GALNT15: variants seen among roughly 807,000 people sequenced by gnomAD.
GALNT15 encodes the protein UDP-GalNAc transferase T15.
A neutral mutation model predicts 66.8 loss-of-function variants in GALNT15; 67 were observed. The ratio of observed to expected loss-of-function variants is 1.00; its 90% confidence interval spans 0.82 to 1.23. The LOEUF (loss-of-function observed/expected upper bound fraction) is 1.23. Ranked by LOEUF, GALNT15 falls within the 50% of genes most tolerant of loss-of-function variation. The probability of loss-of-function intolerance (pLI) is 0.00; values close to 1 mark genes in which losing one functional copy is unlikely to be tolerated. For synonymous variants in GALNT15, 313 were observed against 311.5 expected, an observed-to-expected ratio of 1.00 and a Z score of -0.05; for missense variants, 827 against 804.3, an observed-to-expected ratio of 1.03 and a Z score of -0.34.
At chr3:16,218,357 C>CT (rs1231225643) in intron 6 of GALNT15, among the ~76,000 whole-genome samples, 11 of 152,174 alleles carry the variant, frequency 7.2e-5, no homozygotes, top group Non-Finnish European at 1.3e-4. Flanking sequence ...AGGGTTCTCT[C>CT]TTTTTTTGTC....
Position 16,228,861 on chromosome 3 carries a change from A to C in GALNT15, c.*1361A>C. On this transcript the variant is annotated 3_prime_UTR_variant, in exon 10 of 10. Coordinates refer to ENST00000339732, the MANE Select transcript of GALNT15 (RefSeq NM_054110.5). ...CCCATATAACTGTCTGGAACCCCCA[A>C]ATGTGTCCACAGGTTGAATGTCCAT... 2 of 985,366 alleles carry C rather than the reference A, an allele frequency of 2.0e-6. No individual in the cohort carries two copies. The highest frequency in any genetic ancestry group is 2.4e-6 in the Non-Finnish European group (2 of 829,916). The allele number at this position is 985,366 out of a possible 1,614,324, so 61.0% of individuals were successfully genotyped here. A position where few individuals can be genotyped will look rare whatever the true frequency, so the allele number is the denominator to read the frequency against.
chr3:16,185,724 T>C (rs1390165917), intron 1 of GALNT15, among the ~76,000 whole-genome samples: 1 of 151,224 alleles, frequency 6.6e-6, no homozygotes, highest in Admixed American at 6.6e-5. Flanking sequence ...GCTCGCACTG[T>C]AGTCCAAGAT....
At chr3:16,241,735 A>G in the GALNT15 span, among the ~76,000 whole-genome samples, 6 of 152,074 alleles carry the variant, frequency 3.9e-5, no homozygotes, top group Non-Finnish European at 7.4e-5. This position sits in a 1 kb window ranked among gnomAD's most constrained non-coding sequence, Gnocchi z 4.6. Flanking sequence ...TTTTGTAGAC[A>G]TGGGGTTTCA....
intron 3 of GALNT15, among the ~76,000 whole-genome samples, chr3:16,201,164 TTTTTTCTTTTTCTTTTTC>T (rs59395998): frequency 1.5e-3 from 217 of 149,002 alleles, no homozygotes; most frequent in African/African-American, 4.5e-3. Context: ...TTGGCAATTT[TTTTTTCTTTTTCTTTTTC>T]TTTTTCTTTT....
At position 16,191,055 on chromosome 3, in the gene GALNT15, T is replaced by C. The variant is rs370381820; in HGVS notation, c.540-4705T>C. Reference sequence around the variant, plus strand: ...ATGGCTTTCAAGAACCCATTTGGCCTTTCACATCTCTTAGCAGCCTGTTTA... The same window carrying C: ...ATGGCTTTCAAGAACCCATTTGGCCCTTCACATCTCTTAGCAGCCTGTTTA... On this transcript the variant is annotated intron_variant, in intron 1 of 9. Coordinates refer to ENST00000339732, the MANE Select transcript of GALNT15 (RefSeq NM_054110.5). The surrounding 1 kb of genome is among the most constrained non-coding windows in gnomAD (Gnocchi z 5.2). Among the ~76,000 whole-genome samples, 8 of 152,208 alleles carry C rather than the reference T, an allele frequency of 5.3e-5. No homozygotes were observed. The East Asian group carries it at 7.7e-4, about 15-fold the overall frequency.
chr3:16,212,795 C>T (rs777740832), intron 6 of GALNT15, 32 bp downstream of exon 6: 2 of 1,586,860 alleles, frequency 1.3e-6, no homozygotes, highest in Admixed American at 3.4e-5. Context: ...GCTTCTGTGT[C>T]CAGCACAGGG....
At chr3:16,197,487 C>T (rs6798981) in intron 2 of GALNT15, among the ~76,000 whole-genome samples, 133,663 of 152,206 alleles carry the variant, frequency 0.88, 59,128 homozygotes, top group East Asian at 1. Context: ...AAGCACCACC[C>T]TGCACACTGT....
In GALNT15 at chr3:16,227,767, A is replaced by T; in HGVS notation, c.*267A>T. 8.1e-7 allele frequency: 1 copy of T among 1,227,698 alleles called. No homozygotes were observed. The highest frequency in any genetic ancestry group is 4.2e-5 in the Admixed American group (1 of 23,970). The allele number at this position is 1,227,698 out of a possible 1,614,324, so 76.1% of individuals were successfully genotyped here. On this transcript the variant is annotated 3_prime_UTR_variant, in exon 10 of 10. Transcript: ENST00000339732. This position sits in a 1 kb window ranked among gnomAD's most constrained non-coding sequence, Gnocchi z 4.5. ...AAATGATTATTACATAGTACAGAAG[A>T]TTCTTTGTTTTTCTCCACTGAGCAC...
chr3:16,197,249 C>A (rs957254131), intron 2 of GALNT15, among the ~76,000 whole-genome samples: 1 of 152,140 alleles, frequency 6.6e-6, no homozygotes, highest in Non-Finnish European at 1.5e-5. Context: ...TACCCCAGAG[C>A]TGGCAGCCCC....
At chr3:16,207,389 T>C (rs2063767560) in intron 3 of GALNT15, among the ~76,000 whole-genome samples, 1 of 151,744 alleles carries the variant, frequency 6.6e-6, no homozygotes, top group Non-Finnish European at 1.5e-5. Context: ...GATTGAGATA[T>C]TGGCTAGGTG....
rs977605060 is a variant in GALNT15 at position 16,189,357 on chromosome 3, C to T, written c.540-6403C>T. Reference sequence around the variant, plus strand: ...GAGCATGGCACCCACTGGTGTTGGGCAATGCACCAGCCCTAGTGGTTGAGA... The same window carrying T: ...GAGCATGGCACCCACTGGTGTTGGGTAATGCACCAGCCCTAGTGGTTGAGA... On this transcript the variant is annotated intron_variant, in intron 1 of 9. Transcript: ENST00000339732. The surrounding 1 kb of genome is among the most constrained non-coding windows in gnomAD (Gnocchi z 5.1). Among the ~76,000 whole-genome samples, 2 of 152,132 alleles carry T rather than the reference C, an allele frequency of 1.3e-5. No homozygotes were observed. The highest frequency in any genetic ancestry group is 6.5e-5 in the Admixed American group (1 of 15,284).
downstream of GALNT15, among the ~76,000 whole-genome samples, chr3:16,232,443 C>A (rs2064090101): frequency 8.6e-6 from 1 of 116,308 alleles, no homozygotes; most frequent in Non-Finnish European, 1.8e-5. Context: ...GTCTCATAGC[C>A]TGGCCTCAAA....
intron 2 of GALNT15, among the ~76,000 whole-genome samples, chr3:16,199,383 G>A (rs1213420914): frequency 1.4e-5 from 2 of 141,042 alleles, no homozygotes; most frequent in South Asian, 2.2e-4. Flanking sequence ...TTCATCTTCC[G>A]TTTTCTCTCC....
Position 16,195,646 on chromosome 3 carries a change from G to C in GALNT15, c.540-114G>C. 2.4e-6 allele frequency: 2 copies of C among 826,082 alleles called. No individual in the cohort carries two copies. Among genetic ancestry groups the C allele is most frequent in the Non-Finnish European group, 3.7e-6 (2 of 534,196 alleles). The allele number at this position is 826,082 out of a possible 1,614,324, so 51.2% of individuals were successfully genotyped here. A position where few individuals can be genotyped will look rare whatever the true frequency, so the allele number is the denominator to read the frequency against. On this transcript the variant is annotated intron_variant, in intron 1 of 9. Coordinates refer to ENST00000339732, the MANE Select transcript of GALNT15 (RefSeq NM_054110.5). This position sits in a 1 kb window ranked among gnomAD's most constrained non-coding sequence, Gnocchi z 4.6. ...ATGGGAATTTTAAGAGATCCCATAG[G>C]ACAGCCATATAATGGGGGCAGCTCC...
Position 16,207,543 on chromosome 3 carries a change from A to C in GALNT15, c.912-960A>C, listed in dbSNP as rs2063770396. 2.8e-4 allele frequency among the ~76,000 whole-genome samples: 2 copies of C among 7,132 alleles called. 1 individual carries two copies. The highest frequency in any genetic ancestry group is 4.8e-4 in the Non-Finnish European group (2 of 4,138). 4.7% of individuals were successfully genotyped at this position (7,132 alleles called of 152,430 possible). On this transcript the variant is annotated intron_variant, in intron 3 of 9. Coordinates refer to ENST00000339732, the MANE Select transcript of GALNT15 (RefSeq NM_054110.5). ...AAAAAAAAAAAAAAAAAAAAAAAAA[A>C]TTGGGCCTAAAATTCCCCACCATTA...
chr3:16,197,700 C>T (rs1003477234), intron 2 of GALNT15, among the ~76,000 whole-genome samples: 2 of 152,116 alleles, frequency 1.3e-5, no homozygotes, highest in African/African-American at 4.8e-5. Flanking sequence ...GGTGGTGATG[C>T]CCACACCAAA....
At chr3:16,178,603 C>G (rs983311178) in intron 1 of GALNT15, among the ~76,000 whole-genome samples, 1 of 152,156 alleles carries the variant, frequency 6.6e-6, no homozygotes, top group Non-Finnish European at 1.5e-5. Context: ...CAAGCTCTGG[C>G]GCCTTCCCTT....
downstream of GALNT15, among the ~76,000 whole-genome samples, chr3:16,235,367 C>T (rs540268347): frequency 1.2e-4 from 19 of 152,256 alleles, no homozygotes; most frequent in East Asian, 7.7e-4. Flanking sequence ...AAGGTTCCTC[C>T]GGCCTCACAA....
chr3:16,217,716 G>A (rs1411474003), intron 6 of GALNT15, among the ~76,000 whole-genome samples: 2 of 152,092 alleles, frequency 1.3e-5, no homozygotes, highest in Non-Finnish European at 2.9e-5. Flanking sequence ...CTCACTCAAG[G>A]TCAAACAAAG....
Sources: gnomAD v4.1 joint callset for allele counts (sites outside exome capture counted in the v4.1 genomes callset) on GRCh38, gnomAD v4.1.1 for gene constraint, Gnocchi (gnomAD v3.1) non-coding constraint, MANE v1.5 for transcripts, NCBI Gene and HGNC (gene_info 2026-07-23, HGNC 2026-07-21) for gene names.